The following SEPTIN9 variants were observed in gnomAD, a reference collection of about 807,000 sequenced individuals.
SEPTIN9 encodes septin-9.
In SEPTIN9, 13 loss-of-function variants were observed where a neutral mutation model predicts 56.6. That is an observed-to-expected ratio of 0.23 (90% CI 0.15 to 0.37). The LOEUF is 0.37. SEPTIN9 is among the 10% of genes least tolerant of loss of function. The pLI is 1.00. For synonymous variants in SEPTIN9, 332 were observed against 334.1 expected (o/e 0.99, Z 0.07); for missense variants, 650 against 823.1 (o/e 0.79, Z 2.57).
chr17:77,438,168 G>C (rs1210174850), intron 3 of SEPTIN9, among the ~76,000 whole-genome samples: 2 of 152,184 alleles, frequency 1.3e-5, no homozygotes, highest in African/African-American at 4.8e-5. Context: ...TAGATTTGGC[G>C]AGGAGGGAAC....
At chr17:77,483,323 T>A (rs2143236289) in intron 4 of SEPTIN9, 1 of 153,184 alleles carries the variant, frequency 6.5e-6, no homozygotes, top group Non-Finnish European at 1.5e-5. Flanking sequence ...GTGTCCTCTC[T>A]GCTTCCTGTA....
rs147675916 is a variant in SEPTIN9 at position 77,405,660 on chromosome 17, T to A, written c.721+2957T>A. On this transcript the variant is annotated intron_variant, in intron 3 of 11. Transcript: ENST00000427177. This position sits in a 1 kb window ranked among gnomAD's most constrained non-coding sequence, Gnocchi z 5.8. ...GGGCAGGGCCTTCCCAATGGAGGAGTGCTCTTGAAATCCGATGGGAGTGGC... is the reference window on the plus strand; with the variant it reads ...GGGCAGGGCCTTCCCAATGGAGGAGAGCTCTTGAAATCCGATGGGAGTGGC... Among the ~76,000 whole-genome samples, 1 of 149,606 alleles carries A rather than the reference T, an allele frequency of 6.7e-6. No homozygotes were observed. Among genetic ancestry groups the A allele is most frequent in the East Asian group, 2.0e-4 (1 of 5,086 alleles).
In SEPTIN9 at chr17:77,401,964, CGCCT is replaced by C. The variant is rs2035915067; in HGVS notation, c.77-90_77-87del. ...AGACCCCCGGCCCTCACCGCCGCATCGCCTGCCTTCCTCTGCTGCTCCTTAGCAG... is the reference window on the plus strand; with the variant it reads ...AGACCCCCGGCCCTCACCGCCGCATCGCCTTCCTCTGCTGCTCCTTAGCAG... On this transcript the variant is annotated intron_variant, in intron 2 of 11. Coordinates refer to ENST00000427177, the MANE Select transcript of SEPTIN9 (RefSeq NM_001113491.2). The C allele has an allele frequency of 3.0e-6, 4 of 1,344,000 alleles. No individual in the cohort carries two copies. The Admixed American group carries it at 8.8e-5, about 29-fold the overall frequency. 83.3% of individuals were successfully genotyped at this position (1,344,000 alleles called of 1,614,324 possible). A position where few individuals can be genotyped will look rare whatever the true frequency, so the allele number is the denominator to read the frequency against.
chr17:77,466,956 T>G (rs1032632095), intron 3 of SEPTIN9, among the ~76,000 whole-genome samples: 54 of 152,158 alleles, frequency 3.5e-4, no homozygotes, highest in African/African-American at 1.2e-3. Flanking sequence ...CTGGGCTCTG[T>G]GGGGGTCAGG....
rs747266715 is a variant in SEPTIN9, at chr17:77,369,965, C to T, written c.77-32094C>T. 5.9e-5 allele frequency among the ~76,000 whole-genome samples: 9 copies of T among 152,206 alleles called. No individual in the cohort carries two copies. Among genetic ancestry groups the T allele is most frequent in the Non-Finnish European group, 1.2e-4 (8 of 68,030 alleles). On this transcript the variant is annotated intron_variant, in intron 2 of 11. Coordinates refer to ENST00000427177, the MANE Select transcript of SEPTIN9 (RefSeq NM_001113491.2). The surrounding 1 kb of genome is among the most constrained non-coding windows in gnomAD (Gnocchi z 4.9). The stretch of plus-strand genomic sequence containing the variant: ...CTGCTCCTTCCCATTTCCAGAAAGG[C>T]GTGCAGGGGTTTCCTATGGCTCTCT...
intron 1 of SEPTIN9, among the ~76,000 whole-genome samples, chr17:77,299,030 C>A (rs540169714): frequency 6.6e-6 from 1 of 152,318 alleles, no homozygotes; most frequent in African/African-American, 2.4e-5. Flanking sequence ...TGATACCTAC[C>A]TCCTGGAGCA....
At chr17:77,391,451 CCT>C (rs748014425) in intron 2 of SEPTIN9, among the ~76,000 whole-genome samples, 6 of 152,182 alleles carry the variant, frequency 3.9e-5, no homozygotes, top group Non-Finnish European at 7.3e-5. Flanking sequence ...GCTTTCTCCC[CCT>C]GTCTGTGTGT....
chr17:77,461,943 G>A (rs1375644504), intron 3 of SEPTIN9, among the ~76,000 whole-genome samples: 2 of 152,188 alleles, frequency 1.3e-5, no homozygotes, highest in African/African-American at 4.8e-5. Context: ...TCTGAAGCAG[G>A]AAAAATCTGA....
At chr17:77,418,290 G>A (rs2036573970) in intron 3 of SEPTIN9, among the ~76,000 whole-genome samples, 1 of 152,192 alleles carries the variant, frequency 6.6e-6, no homozygotes, top group Non-Finnish European at 1.5e-5. Flanking sequence ...CGGAAAGGCA[G>A]CCCAGCCCCA....
At chr17:77,360,370 C>T (rs113465833) in intron 2 of SEPTIN9, among the ~76,000 whole-genome samples, 2 of 152,158 alleles carry the variant, frequency 1.3e-5, no homozygotes, top group African/African-American at 4.8e-5. Context: ...AAGAATAAGC[C>T]GTAGCTGCCT....
chr17:77,391,722 T>C (rs2035547357), intron 2 of SEPTIN9, among the ~76,000 whole-genome samples: 1 of 152,234 alleles, frequency 6.6e-6, no homozygotes, highest in Non-Finnish European at 1.5e-5. Context: ...TTCTGGAGGT[T>C]CCTTGTAAAG....
At position 77,400,980 on chromosome 17, in the gene SEPTIN9, G is replaced by C. The variant is rs2035878862; in HGVS notation, c.77-1079G>C. Among the ~76,000 whole-genome samples the C allele has an allele frequency of 1.3e-5, 2 of 152,202 alleles. No individual in the cohort carries two copies. Among genetic ancestry groups the C allele is most frequent in the Admixed American group, 1.3e-4 (2 of 15,282 alleles). On this transcript the variant is annotated intron_variant, in intron 2 of 11. Coordinates refer to ENST00000427177, the MANE Select transcript of SEPTIN9 (RefSeq NM_001113491.2). The surrounding 1 kb of genome is among the most constrained non-coding windows in gnomAD (Gnocchi z 4.1). Reference sequence around the variant, plus strand: ...GGATGGCTGCAGGGCGGGAGCTGGTGGTTGGCATCACTGCACGGGCTTGTA... The same window carrying C: ...GGATGGCTGCAGGGCGGGAGCTGGTCGTTGGCATCACTGCACGGGCTTGTA...
At chr17:77,296,156 A>G (rs2031801984) in intron 1 of SEPTIN9, among the ~76,000 whole-genome samples, 1 of 152,146 alleles carries the variant, frequency 6.6e-6, no homozygotes, top group Non-Finnish European at 1.5e-5. Context: ...AGCCAGGAAG[A>G]GGGGCCTCGC....
intron 2 of SEPTIN9, among the ~76,000 whole-genome samples, chr17:77,335,380 C>T (rs34569225): frequency 3.8e-4 from 43 of 112,866 alleles, no homozygotes; most frequent in Middle Eastern, 8.8e-3. Flanking sequence ...ATATAGGCCC[C>T]GTGTTGACTG....
At chr17:77,382,882 C>A (rs984941847) in intron 2 of SEPTIN9, among the ~76,000 whole-genome samples, 1 of 151,950 alleles carries the variant, frequency 6.6e-6, no homozygotes, top group Non-Finnish European at 1.5e-5. Context: ...GCCCCGCTGC[C>A]CTGCCTGGTT....
Position 77,450,545 on chromosome 17 carries a change from G to C in SEPTIN9, c.722-31599G>C. 1 of 985,510 alleles carries C rather than the reference G, an allele frequency of 1.0e-6. No individual in the cohort carries two copies. Among genetic ancestry groups the C allele is most frequent in the Non-Finnish European group, 1.2e-6 (1 of 830,024 alleles). The allele number at this position is 985,510 out of a possible 1,614,324, so 61.0% of individuals were successfully genotyped here. On this transcript the variant is annotated intron_variant, in intron 3 of 11. Coordinates refer to ENST00000427177, the MANE Select transcript of SEPTIN9 (RefSeq NM_001113491.2). This position sits in a 1 kb window ranked among gnomAD's most constrained non-coding sequence, Gnocchi z 6.0. ...GGGAGTGACTCACTTGGGTTCAGAG[G>C]TCGTGGCACTGAGATGGGTCTGGCA...
At chr17:77,282,310 T>C (rs1281363211) in intron 1 of SEPTIN9, among the ~76,000 whole-genome samples, 1 of 152,182 alleles carries the variant, frequency 6.6e-6, no homozygotes, top group African/African-American at 2.4e-5. Flanking sequence ...CTTTTTTTTT[T>C]CCTTTGTGGT....
chr17:77,408,566 C>T (rs1297752372), intron 3 of SEPTIN9, among the ~76,000 whole-genome samples: 2 of 151,592 alleles, frequency 1.3e-5, no homozygotes, highest in African/African-American at 2.4e-5. Flanking sequence ...GCCAGTACAG[C>T]GTTGAGTATA....
chr17:77,332,678 C>T (rs530929012), intron 2 of SEPTIN9, among the ~76,000 whole-genome samples: 1 of 152,216 alleles, frequency 6.6e-6, no homozygotes, highest in South Asian at 2.1e-4. Context: ...TCATGCCCCT[C>T]CAGGTGCATC....
Sources: gnomAD v4.1 joint callset for allele counts (sites outside exome capture counted in the v4.1 genomes callset) on GRCh38, gnomAD v4.1.1 for gene constraint, Gnocchi (gnomAD v3.1) non-coding constraint, MANE v1.5 for transcripts, NCBI Gene and HGNC (gene_info 2026-07-23, HGNC 2026-07-21) for gene names.